The following KATNAL1 variants were observed in gnomAD, a reference collection of about 807,000 sequenced individuals.
KATNAL1 encodes katanin catalytic subunit A1 like 1, also known as katanin p60 ATPase-containing subunit A-like 1.
A neutral mutation model predicts 55.2 loss-of-function variants in KATNAL1; 32 were observed. The observed-to-expected ratio is 0.58, with a 90% CI of 0.44 to 0.78. KATNAL1 has a LOEUF of 0.78. KATNAL1 is among the 30% of genes least tolerant of loss of function. The pLI, the probability that KATNAL1 is intolerant of heterozygous loss-of-function variation, is 0.00. For synonymous variants in KATNAL1, 193 were observed against 193.6 expected (o/e 1.00, Z 0.02); for missense variants, 466 against 600.9 (o/e 0.78, Z 2.35).
At chr13:30,298,608 C>A (rs1272361148) in intron 1 of KATNAL1, among the ~76,000 whole-genome samples, 31 of 151,974 alleles carry the variant, frequency 2.0e-4, no homozygotes, top group Non-Finnish European at 2.9e-5. Context: ...CATTTAAAGA[C>A]ATAGGGACAA....
chr13:30,302,152 A>C (rs1335980867), intron 1 of KATNAL1, among the ~76,000 whole-genome samples: 1 of 152,208 alleles, frequency 6.6e-6, no homozygotes, highest in Non-Finnish European at 1.5e-5. Context: ...TGGGATAACA[A>C]GCAAGAGCCA....
chr13:30,257,690 T>A (rs537008239), intron 3 of KATNAL1, among the ~76,000 whole-genome samples: 68 of 152,218 alleles, frequency 4.5e-4, no homozygotes, highest in Non-Finnish European at 7.5e-4. Context: ...TCAAAGCTCT[T>A]ACACAGGCTG....
At chr13:30,257,963 T>C (rs952598617) in intron 3 of KATNAL1, among the ~76,000 whole-genome samples, 2 of 152,244 alleles carry the variant, frequency 1.3e-5, no homozygotes, top group Non-Finnish European at 2.9e-5. Context: ...AGCACATCAC[T>C]GCACAATGTC....
At chr13:30,287,711 A>G (rs1881883420) in intron 1 of KATNAL1, among the ~76,000 whole-genome samples, 1 of 152,254 alleles carries the variant, frequency 6.6e-6, no homozygotes, top group Non-Finnish European at 1.5e-5. Flanking sequence ...TAATAAATCC[A>G]GTAGAAACAA....
intron 3 of KATNAL1, among the ~76,000 whole-genome samples, chr13:30,256,645 A>T (rs2137465419): frequency 6.6e-6 from 1 of 152,324 alleles, no homozygotes; most frequent in Middle Eastern, 3.4e-3. Context: ...AAGATAGGAA[A>T]ATGGATAAAA....
At chr13:30,238,882 A>C (rs773613615) in intron 6 of KATNAL1, among the ~76,000 whole-genome samples, 2 of 152,182 alleles carry the variant, frequency 1.3e-5, no homozygotes, top group Non-Finnish European at 2.9e-5. Context: ...GTGCCGCAGA[A>C]AGGCACATAT....
At chr13:30,251,357 G>C (rs1290066728) in intron 4 of KATNAL1, among the ~76,000 whole-genome samples, 1 of 152,162 alleles carries the variant, frequency 6.6e-6, no homozygotes, top group East Asian at 1.9e-4. Flanking sequence ...CTAAATGTTT[G>C]TGTCCTTCCA....
chr13:30,258,644 T>C (rs1160941778), intron 3 of KATNAL1, among the ~76,000 whole-genome samples: 1 of 152,244 alleles, frequency 6.6e-6, no homozygotes, highest in African/African-American at 2.4e-5. Flanking sequence ...AAGATCATGA[T>C]GATATCCCTC....
At chr13:30,223,127 A>G (rs1336674252) in intron 9 of KATNAL1, among the ~76,000 whole-genome samples, 1 of 151,712 alleles carries the variant, frequency 6.6e-6, no homozygotes, top group Non-Finnish European at 1.5e-5. Flanking sequence ...TACAGACTGG[A>G]CAAATAGCAA....
chr13:30,281,079 C>T (rs767385793), intron 2 of KATNAL1, among the ~76,000 whole-genome samples: 9 of 143,688 alleles, frequency 6.3e-5, no homozygotes, highest in East Asian at 4.0e-4. Flanking sequence ...GCTACAATCA[C>T]GCTCCTGCAC....
chr13:30,279,542 G>A (rs890121993), intron 3 of KATNAL1, among the ~76,000 whole-genome samples: 21 of 152,294 alleles, frequency 1.4e-4, no homozygotes, highest in African/African-American at 3.4e-4. Flanking sequence ...GAGGTTTAAC[G>A]TAAATGATGC....
rs1005724924 is a variant in KATNAL1 at position 30,207,759 on chromosome 13, T to C, written c.*781A>G. On this transcript the variant is annotated 3_prime_UTR_variant, in exon 11 of 11. Transcript: ENST00000380615. ...ACACAGCCTGGGTGACACAGACTCCTTCACGCACACACAAAAAAGTGAAAA... is the reference window on the plus strand; with the variant it reads ...ACACAGCCTGGGTGACACAGACTCCCTCACGCACACACAAAAAAGTGAAAA... 1 of 152,150 alleles carries C rather than the reference T, an allele frequency of 6.6e-6. No homozygotes were observed. Among genetic ancestry groups the C allele is most frequent in the African/African-American group, 2.4e-5 (1 of 41,424 alleles). 9.4% of individuals were successfully genotyped at this position (152,150 alleles called of 1,614,324 possible). A position where few individuals can be genotyped will look rare whatever the true frequency, so the allele number is the denominator to read the frequency against.
At chr13:30,213,007 G>A (rs1011666660) in intron 9 of KATNAL1, among the ~76,000 whole-genome samples, 28 of 152,162 alleles carry the variant, frequency 1.8e-4, no homozygotes, top group Admixed American at 3.3e-4. Flanking sequence ...ACATGAAGAC[G>A]CCGGGACAAG....
intron 9 of KATNAL1, among the ~76,000 whole-genome samples, chr13:30,223,395 TCC>T (rs2137375290): frequency 8.3e-6 from 1 of 120,936 alleles, no homozygotes; most frequent in African/African-American, 3.3e-5. Context: ...TGAGCCCAGA[TCC>T]TGCCACTGCA....
chr13:30,270,660 A>C (rs1242581334), intron 3 of KATNAL1, among the ~76,000 whole-genome samples: 6 of 151,816 alleles, frequency 4.0e-5, no homozygotes, highest in South Asian at 2.1e-4. Context: ...CTCAGGGTTA[A>C]ATGGATTAAG....
intron 3 of KATNAL1, among the ~76,000 whole-genome samples, chr13:30,269,954 T>C (rs1468287893): frequency 6.9e-6 from 1 of 144,452 alleles, no homozygotes; most frequent in African/African-American, 2.6e-5. Flanking sequence ...GGGGCACCTC[T>C]GCCCGGCCAC....
At chr13:30,283,383 C>T (rs1881547915) in intron 2 of KATNAL1, among the ~76,000 whole-genome samples, 1 of 150,096 alleles carries the variant, frequency 6.7e-6, no homozygotes, top group Non-Finnish European at 1.5e-5. Flanking sequence ...AAAGTAGATT[C>T]AATTGGAATT....
chr13:30,304,062 T>C (rs751070513), intron 1 of KATNAL1, among the ~76,000 whole-genome samples: 9 of 152,196 alleles, frequency 5.9e-5, no homozygotes, highest in Non-Finnish European at 1.2e-4. Flanking sequence ...ATAAATAGTA[T>C]TAACACCTCA....
At chr13:30,272,532 A>G (rs2137510333) in intron 3 of KATNAL1, among the ~76,000 whole-genome samples, 1 of 152,302 alleles carries the variant, frequency 6.6e-6, no homozygotes, top group East Asian at 1.9e-4. Context: ...CTTTTCAACA[A>G]AAATGTAAAA....
Sources: gnomAD v4.1 joint callset for allele counts (sites outside exome capture counted in the v4.1 genomes callset) on GRCh38, gnomAD v4.1.1 for gene constraint, MANE v1.5 for transcripts, NCBI Gene and HGNC (gene_info 2026-07-23, HGNC 2026-07-21) for gene names.